Variants in PLEKHA7 observed in about 807,000 individuals in gnomAD.
PLEKHA7 encodes pleckstrin homology domain-containing family A member 7.
PLEKHA7 carries 104 observed loss-of-function variants against 170.0 expected under a neutral mutation model. That is an observed-to-expected ratio of 0.61 (90% CI 0.52 to 0.72). PLEKHA7 has a LOEUF of 0.72. PLEKHA7 is among the 30% of genes least tolerant of loss of function. PLEKHA7 has a pLI of 0.00. For synonymous variants in PLEKHA7, 648 were observed against 660.8 expected, an observed-to-expected ratio of 0.98 and a Z score of 0.30; for missense variants, 1,615 against 1,671.7, an observed-to-expected ratio of 0.97 and a Z score of 0.59.
intron 3 of PLEKHA7, among the ~76,000 whole-genome samples, chr11:16,873,032 A>T (rs1171060995): frequency 6.6e-6 from 1 of 152,054 alleles, no homozygotes; most frequent in East Asian, 1.9e-4. Context: ...TCCAATTCAA[A>T]TTTTTCCTTG....
At chr11:16,918,756 C>T (rs1043951995) in intron 3 of PLEKHA7, among the ~76,000 whole-genome samples, 14 of 152,220 alleles carry the variant, frequency 9.2e-5, no homozygotes, top group African/African-American at 3.4e-4. Context: ...TCTTGTCCAA[C>T]CTGTACTTCC....
intron 3 of PLEKHA7, among the ~76,000 whole-genome samples, chr11:16,953,022 C>T (rs371537572): frequency 6.6e-6 from 1 of 152,236 alleles, no homozygotes. Context: ...GGTTCCCCAC[C>T]AAGGGGTCAG....
intron 9 of PLEKHA7, among the ~76,000 whole-genome samples, chr11:16,830,200 T>G (rs989819958): frequency 6.6e-6 from 1 of 151,968 alleles, no homozygotes; most frequent in Non-Finnish European, 1.5e-5. Context: ...CCCAGGCTAG[T>G]CTTGAAATCC....
At chr11:16,892,433 T>TTTTGTTTTGTTTTGTTTTG (rs142551751) in intron 3 of PLEKHA7, among the ~76,000 whole-genome samples, 1 of 70,620 alleles carries the variant, frequency 1.4e-5, no homozygotes, top group African/African-American at 6.4e-5. Context: ...TGTGTGTGTG[T>TTTTGTTTTGTTTTGTTTTG]GTTTTGTTTT....
At chr11:16,965,038 G>A (rs1450628999) in intron 3 of PLEKHA7, among the ~76,000 whole-genome samples, 1 of 151,822 alleles carries the variant, frequency 6.6e-6, no homozygotes, top group African/African-American at 2.4e-5. Context: ...GCCAGATACA[G>A]TGGCTCATGC....
intron 4 of PLEKHA7, among the ~76,000 whole-genome samples, chr11:16,869,434 G>A (rs569452491): frequency 6.6e-6 from 1 of 152,312 alleles, no homozygotes; most frequent in African/African-American, 2.4e-5. Context: ...CACTTCTTTG[G>A]GTCTCAGGTT....
chr11:16,951,282 A>G (rs1285160188), intron 3 of PLEKHA7, among the ~76,000 whole-genome samples: 1 of 152,082 alleles, frequency 6.6e-6, no homozygotes, highest in African/African-American at 2.4e-5. Context: ...GAAGGTGTTC[A>G]GTTGACATTA....
chr11:16,788,645 G>A (rs1234313608), intron 23 of PLEKHA7: 1 of 212,128 alleles, frequency 4.7e-6, no homozygotes, highest in African/African-American at 2.3e-5. Flanking sequence ...GTGGCCCTTG[G>A]GGCAGGGGTG....
At chr11:16,984,182 A>G (rs1025828878) in intron 3 of PLEKHA7, among the ~76,000 whole-genome samples, 1 of 152,174 alleles carries the variant, frequency 6.6e-6, no homozygotes, top group African/African-American at 2.4e-5. Context: ...TAATCAGTCT[A>G]TTCTACGTAC....
chr11:16,974,624 A>AG (rs1390883618), intron 3 of PLEKHA7: 4 of 305,796 alleles, frequency 1.3e-5, no homozygotes, highest in African/African-American at 1.2e-4. Flanking sequence ...GAGATTTCAC[A>AG]GGTTTTTTTT....
intron 3 of PLEKHA7, among the ~76,000 whole-genome samples, chr11:16,935,804 A>G (rs990138184): frequency 1.3e-5 from 2 of 152,138 alleles, no homozygotes; most frequent in Non-Finnish European, 2.9e-5. Flanking sequence ...AAAAAGTGGT[A>G]TTTTTGTCTA....
chr11:17,010,174 G>T (rs1271114672), intron 3 of PLEKHA7, among the ~76,000 whole-genome samples: 1 of 152,012 alleles, frequency 6.6e-6, no homozygotes, highest in Non-Finnish European at 1.5e-5. Flanking sequence ...GATCACTTCA[G>T]GTCAGGAGTT....
At chr11:16,856,395 T>C (rs552547235) in intron 4 of PLEKHA7, among the ~76,000 whole-genome samples, 2 of 152,220 alleles carry the variant, frequency 1.3e-5, no homozygotes, top group South Asian at 4.2e-4. Context: ...ACACAGAGAA[T>C]CCCTTACATA....
At chr11:16,958,968 T>C (rs1861876781) in intron 3 of PLEKHA7, among the ~76,000 whole-genome samples, 2 of 152,210 alleles carry the variant, frequency 1.3e-5, no homozygotes, top group South Asian at 4.1e-4. Context: ...CCTAGAGCCC[T>C]ACCTAAGCCA....
At chr11:16,807,324 T>C (rs1849058018) in intron 13 of PLEKHA7, 1 of 322,118 alleles carries the variant, frequency 3.1e-6, no homozygotes, top group African/African-American at 2.3e-5. Flanking sequence ...AAGGGAAAAC[T>C]TTAAGGAGGC....
intron 4 of PLEKHA7, among the ~76,000 whole-genome samples, chr11:16,861,252 C>G (rs180737006): frequency 3.3e-5 from 5 of 151,966 alleles, no homozygotes; most frequent in African/African-American, 9.7e-5. Flanking sequence ...GGGCTAGGAA[C>G]AGAGGCTCCA....
At chr11:16,986,343 A>G (rs1323343256) in intron 3 of PLEKHA7, among the ~76,000 whole-genome samples, 1 of 152,222 alleles carries the variant, frequency 6.6e-6, no homozygotes, top group Non-Finnish European at 1.5e-5. Flanking sequence ...GACTAATCAC[A>G]AGAATCTGTT....
intron 3 of PLEKHA7, among the ~76,000 whole-genome samples, chr11:16,930,128 C>T (rs1215420676): frequency 6.6e-6 from 1 of 152,174 alleles, no homozygotes; most frequent in African/African-American, 2.4e-5. Flanking sequence ...ACATTTTGAG[C>T]TTTCCAAGAA....
At chr11:16,864,546 C>A (rs1337797267) in intron 4 of PLEKHA7, among the ~76,000 whole-genome samples, 2 of 152,158 alleles carry the variant, frequency 1.3e-5, no homozygotes, top group Non-Finnish European at 2.9e-5. Context: ...GCTGCCATAA[C>A]TCCCACATGT....
Sources: gnomAD v4.1 joint callset for allele counts (sites outside exome capture counted in the v4.1 genomes callset) on GRCh38, gnomAD v4.1.1 for gene constraint, MANE v1.5 for transcripts, NCBI Gene and HGNC (gene_info 2026-07-23, HGNC 2026-07-21) for gene names.